Variants in AGBL4 observed in about 807,000 individuals in gnomAD.
The protein encoded by AGBL4 is cytosolic carboxypeptidase 6.
Under a neutral mutation model 66.4 loss-of-function variants are expected in AGBL4, and 58 were observed. The ratio of observed to expected loss-of-function variants is 0.87; its 90% CI spans 0.71 to 1.09. The LOEUF (loss-of-function observed/expected upper bound fraction) is 1.09. AGBL4 is among the 50% of genes least tolerant of loss of function. The pLI, the probability that AGBL4 is intolerant of heterozygous loss-of-function variation, is 0.00. For missense variants in AGBL4, 579 were observed against 631.0 expected (o/e 0.92, Z 0.88); for synonymous variants, 234 against 222.9 (o/e 1.05, Z -0.44).
rs117868105 is a variant in AGBL4, at chr1:49,352,867, A to G, written c.283-107003T>C. 3.2e-4 allele frequency among the ~76,000 whole-genome samples: 49 copies of G among 152,282 alleles called. No individual in the cohort carries two copies. The East Asian group carries it at 9.5e-3, about 29-fold the overall frequency. ...AAGAAAAGTTAACAAAATGTCACAT[A>G]GTAGTAGCAGCAGATGGAGTTGGGA... On this transcript the variant is annotated intron_variant, in intron 3 of 13. Transcript: ENST00000371839.
intron 3 of AGBL4, among the ~76,000 whole-genome samples, chr1:49,574,013 C>G (rs1644386367): frequency 6.6e-6 from 1 of 152,140 alleles, no homozygotes; most frequent in Non-Finnish European, 1.5e-5. Flanking sequence ...ATGGCCTCCC[C>G]TGAGGCAGTT....
intron 4 of AGBL4, among the ~76,000 whole-genome samples, chr1:49,109,719 A>G (rs1390546609): frequency 1.3e-5 from 2 of 152,138 alleles, no homozygotes; most frequent in Non-Finnish European, 2.9e-5. Flanking sequence ...TAGATTGACT[A>G]ATCTTAATTT....
At chr1:49,533,855 T>A (rs1045679391) in intron 3 of AGBL4, among the ~76,000 whole-genome samples, 2 of 152,070 alleles carry the variant, frequency 1.3e-5, no homozygotes, top group African/African-American at 4.8e-5. Flanking sequence ...AGACACCTGA[T>A]CTTTGGCTTG....
At chr1:48,716,224 G>A (rs1334073311) in intron 6 of AGBL4, among the ~76,000 whole-genome samples, 2 of 152,136 alleles carry the variant, frequency 1.3e-5, no homozygotes, top group Non-Finnish European at 2.9e-5. Context: ...TTACGAGGAG[G>A]GAAACGCATC....
intron 4 of AGBL4, among the ~76,000 whole-genome samples, chr1:49,166,002 C>G (rs1225221471): frequency 6.6e-6 from 1 of 152,090 alleles, no homozygotes; most frequent in East Asian, 1.9e-4. Context: ...ATTCTGGACC[C>G]TTTCAAGAAG....
intron 3 of AGBL4, among the ~76,000 whole-genome samples, chr1:49,255,889 C>G (rs1570234920): frequency 6.6e-6 from 1 of 152,080 alleles, no homozygotes; most frequent in East Asian, 1.9e-4. Context: ...AGACCATTTT[C>G]CTTAGCAAAC....
At chr1:49,261,322 G>A (rs1358429332) in intron 3 of AGBL4, among the ~76,000 whole-genome samples, 3 of 152,136 alleles carry the variant, frequency 2.0e-5, no homozygotes, top group Admixed American at 6.5e-5. Context: ...AATTAGGCAG[G>A]AGAAGGAAAT....
At chr1:49,606,391 T>G (rs779353483) in intron 3 of AGBL4, among the ~76,000 whole-genome samples, 4 of 152,116 alleles carry the variant, frequency 2.6e-5, no homozygotes, top group Non-Finnish European at 4.4e-5. Context: ...TAAGTGTTCG[T>G]GTGTTTCATC....
At position 49,757,598 on chromosome 1, in the gene AGBL4, A is replaced by T. The variant is rs550442989; in HGVS notation, c.158-60161T>A. 3.3e-5 allele frequency among the ~76,000 whole-genome samples: 5 copies of T among 152,302 alleles called. No individual in the cohort carries two copies. The South Asian group carries it at 6.2e-4, about 19-fold the overall frequency. On this transcript the variant is annotated intron_variant, in intron 2 of 13. Coordinates refer to ENST00000371839, the MANE Select transcript of AGBL4 (RefSeq NM_032785.4). ...GATATGGACAATGAAGTCCAGGTTG[A>T]GGTGGTCTCAGATGCAGATGAGGAC...
intron 3 of AGBL4, among the ~76,000 whole-genome samples, chr1:49,593,613 A>G (rs1428620649): frequency 6.6e-6 from 1 of 152,216 alleles, no homozygotes; most frequent in Non-Finnish European, 1.5e-5. Context: ...CAAAGGCTCC[A>G]GAACCAGATT....
chr1:50,017,058 G>A (rs1662040616), intron 1 of AGBL4: 1 of 151,946 alleles, frequency 6.6e-6, no homozygotes, highest in African/African-American at 2.4e-5. Flanking sequence ...ACAGTGGACA[G>A]GGAAAAGAAA....
chr1:49,371,272 C>G (rs1644339343), intron 3 of AGBL4, among the ~76,000 whole-genome samples: 1 of 151,924 alleles, frequency 6.6e-6, no homozygotes, highest in African/African-American at 2.4e-5. Flanking sequence ...TACATACATA[C>G]ATACATACAT....
intron 5 of AGBL4, among the ~76,000 whole-genome samples, chr1:48,952,303 G>T (rs1039230198): frequency 1.3e-5 from 2 of 152,206 alleles, no homozygotes; most frequent in Non-Finnish European, 2.9e-5. Context: ...GGGCAAAAAG[G>T]CTTTACCCTT....
intron 1 of AGBL4, among the ~76,000 whole-genome samples, chr1:49,895,676 A>G (rs907083853): frequency 6.6e-6 from 1 of 152,068 alleles, no homozygotes; most frequent in African/African-American, 2.4e-5. Flanking sequence ...GTTCTAAAAT[A>G]GTATTCACAA....
intron 3 of AGBL4, among the ~76,000 whole-genome samples, chr1:49,349,721 CATATA>C (rs1342437818): frequency 3.9e-5 from 6 of 152,112 alleles, no homozygotes; most frequent in Admixed American, 3.9e-4. Context: ...CCCCAAAATT[CATATA>C]ATAAAGTCCT....
chr1:49,379,149 C>T (rs947762979), intron 3 of AGBL4, among the ~76,000 whole-genome samples: 7 of 152,070 alleles, frequency 4.6e-5, no homozygotes, highest in African/African-American at 1.7e-4. Context: ...GAGGCTTCTT[C>T]ACAATCAGAA....
chr1:49,831,826 T>C (rs978962160), intron 2 of AGBL4, among the ~76,000 whole-genome samples: 3 of 152,154 alleles, frequency 2.0e-5, no homozygotes, highest in African/African-American at 7.2e-5. Context: ...TTAAGGGGTG[T>C]TGAATTTTAT....
At chr1:49,290,042 A>G (rs990891192) in intron 3 of AGBL4, among the ~76,000 whole-genome samples, 4 of 152,210 alleles carry the variant, frequency 2.6e-5, no homozygotes, top group Non-Finnish European at 5.9e-5. Context: ...ATATAAAAAG[A>G]TTACATTTTT....
At chr1:49,832,761 T>G (rs1645728235) in intron 2 of AGBL4, among the ~76,000 whole-genome samples, 1 of 152,220 alleles carries the variant, frequency 6.6e-6, no homozygotes, top group South Asian at 2.1e-4. Flanking sequence ...TGGTGAGCAT[T>G]TTTTCATGTG....
Sources: allele counts gnomAD v4.1 joint callset (sites outside exome capture counted in the v4.1 genomes callset), GRCh38; gene constraint gnomAD v4.1.1; transcripts MANE v1.5; gene names NCBI Gene and HGNC (gene_info 2026-07-23, HGNC 2026-07-21).